SLCO1A2: variants seen among roughly 807,000 people sequenced by gnomAD.
SLCO1A2 encodes the protein OATP-1.
Under a neutral mutation model 69.0 loss-of-function variants are expected in SLCO1A2, and 67 were observed. The observed-to-expected ratio is 0.97, with a 90% CI of 0.80 to 1.19. The LOEUF is 1.19. Ranked by LOEUF, SLCO1A2 falls within the 50% of genes most tolerant of loss-of-function variation. The pLI, the probability that SLCO1A2 is intolerant of heterozygous loss-of-function variation, is 0.00. For synonymous variants in SLCO1A2, 260 were observed against 265.9 expected, an observed-to-expected ratio of 0.98 and a Z score of 0.22; for missense variants, 787 against 793.7, an observed-to-expected ratio of 0.99 and a Z score of 0.10.
At chr12:21,411,470 A>G (rs140454934) in intron 1 of SLCO1A2, among the ~76,000 whole-genome samples, 76 of 152,236 alleles carry the variant, frequency 5.0e-4, no homozygotes, top group African/African-American at 1.6e-3. Context: ...GTGTCAATTT[A>G]TCTATCCTCA....
chr12:21,300,153 A>C (rs369867241), intron 8 of SLCO1A2, among the ~76,000 whole-genome samples, 195 bp downstream of exon 8: 23 of 151,770 alleles, frequency 1.5e-4, no homozygotes, highest in East Asian at 1.2e-3. Flanking sequence ...GAAATATTTC[A>C]GCTTCCAAAT....
chr12:21,322,672 T>TA (rs139621920), intron 2 of SLCO1A2, among the ~76,000 whole-genome samples: 16,304 of 152,190 alleles, frequency 0.11, 1,018 homozygotes, highest in Non-Finnish European at 0.15. Flanking sequence ...TTGTCAGACT[T>TA]AAAGTCTGTG....
rs547878550 is a variant in SLCO1A2, at chr12:21,342,296, G to GA, written c.-62-7588dup. 2.5e-3 allele frequency among the ~76,000 whole-genome samples: 383 copies of GA among 151,440 alleles called. 1 individual carries two copies. Among genetic ancestry groups the GA allele is most frequent in the African/African-American group, 8.5e-3 (350 of 41,368 alleles). On this transcript the variant is annotated intron_variant, in intron 2 of 15. Transcript: ENST00000307378. ...TTCCACTGCTTCAAGACCTATTTTT[G>GA]AAAAAAGAGTAATAGGATGGAGAAT...
chr12:21,363,976 G>A (rs1029977068), intron 2 of SLCO1A2, among the ~76,000 whole-genome samples: 2 of 152,148 alleles, frequency 1.3e-5, no homozygotes, highest in African/African-American at 4.8e-5. Context: ...GTAAAAAGAG[G>A]AGCTGGTACC....
intron 2 of SLCO1A2, among the ~76,000 whole-genome samples, chr12:21,365,442 C>A (rs192273827): frequency 7.3e-4 from 111 of 152,268 alleles, no homozygotes; most frequent in Non-Finnish European, 1.2e-3. Context: ...ACCATAAAAA[C>A]CCTAGAAGAA....
intron 1 of SLCO1A2, chr12:21,379,213 T>A (rs1000122890): frequency 3.9e-5 from 6 of 152,242 alleles, no homozygotes; most frequent in African/African-American, 1.4e-4. Context: ...AGAAATAAAA[T>A]CCTGCTCCTG....
At chr12:21,287,305 T>A (rs1432323263) in intron 12 of SLCO1A2, among the ~76,000 whole-genome samples, 1 of 148,214 alleles carries the variant, frequency 6.7e-6, no homozygotes, top group African/African-American at 2.5e-5. Flanking sequence ...TCAAAACCAC[T>A]ATGAGATATC....
At chr12:21,324,633 T>C (rs1441084112) in intron 2 of SLCO1A2, 2 of 152,122 alleles carry the variant, frequency 1.3e-5, no homozygotes, top group South Asian at 2.1e-4. Context: ...AAAGGTAAAT[T>C]TGCTCATAAA....
chr12:21,321,864 T>C (rs534855412), intron 2 of SLCO1A2, among the ~76,000 whole-genome samples: 1 of 152,316 alleles, frequency 6.6e-6, no homozygotes, highest in South Asian at 2.1e-4. Context: ...CTAACTTGAT[T>C]ACAACCTCTA....
At chr12:21,357,028 A>C (rs1196142173) in intron 2 of SLCO1A2, among the ~76,000 whole-genome samples, 1 of 152,214 alleles carries the variant, frequency 6.6e-6, no homozygotes, top group Non-Finnish European at 1.5e-5. Flanking sequence ...AATTTCACTG[A>C]GAAAGATTTA....
intron 1 of SLCO1A2, among the ~76,000 whole-genome samples, chr12:21,412,772 C>A (rs548945651): frequency 6.6e-6 from 1 of 152,268 alleles, no homozygotes; most frequent in South Asian, 2.1e-4. Context: ...CTCACCATGA[C>A]AAAGGAAGTA....
chr12:21,355,552 A>C (rs2137026932), intron 2 of SLCO1A2, among the ~76,000 whole-genome samples: 1 of 152,264 alleles, frequency 6.6e-6, no homozygotes, highest in Middle Eastern at 3.4e-3. Context: ...TAGGGAGCTG[A>C]TGTGAGTTTC....
chr12:21,328,386 A>G (rs966617085), intron 2 of SLCO1A2, among the ~76,000 whole-genome samples: 1 of 152,174 alleles, frequency 6.6e-6, no homozygotes, highest in Non-Finnish European at 1.5e-5. Flanking sequence ...AACTTAAATT[A>G]TCTGATAATT....
chr12:21,403,169 T>G (rs1404870381), intron 1 of SLCO1A2, among the ~76,000 whole-genome samples: 1 of 152,118 alleles, frequency 6.6e-6, no homozygotes, highest in Non-Finnish European at 1.5e-5. Flanking sequence ...CACTTGTAAC[T>G]ACATATTTGA....
At chr12:21,418,748 GC>G (rs1942029766), upstream of SLCO1A2, among the ~76,000 whole-genome samples, 1 of 152,090 alleles carries the variant, frequency 6.6e-6, no homozygotes, top group Non-Finnish European at 1.5e-5. Flanking sequence ...TGCAGACACA[GC>G]CAAACCATAT....
intron 14 of SLCO1A2, among the ~76,000 whole-genome samples, chr12:21,271,201 C>T (rs965798031): frequency 1.3e-5 from 2 of 151,598 alleles, no homozygotes; most frequent in African/African-American, 4.8e-5. Flanking sequence ...GGTGTTTTAC[C>T]TCATTAATTG....
intron 4 of SLCO1A2, among the ~76,000 whole-genome samples, 196 bp from the exon 5 acceptor site, chr12:21,307,184 C>CT (rs1949522726): frequency 6.6e-6 from 1 of 152,118 alleles, no homozygotes; most frequent in Admixed American, 6.6e-5. Flanking sequence ...AATGAACAAT[C>CT]TTTTTATACT....
intron 2 of SLCO1A2, chr12:21,373,499 T>C (rs1474125476): frequency 3.9e-6 from 4 of 1,034,810 alleles, no homozygotes; most frequent in Non-Finnish European, 6.1e-6. Context: ...AATTAAATAC[T>C]GTCAAATAAC....
chr12:21,346,950 T>C (rs1322248898), intron 2 of SLCO1A2, among the ~76,000 whole-genome samples: 1 of 152,020 alleles, frequency 6.6e-6, no homozygotes, highest in Non-Finnish European at 1.5e-5. Context: ...ACTGAGTCTA[T>C]GTTCGGATTT....
Sources: allele counts gnomAD v4.1 joint callset (sites outside exome capture counted in the v4.1 genomes callset), GRCh38; gene constraint gnomAD v4.1.1; transcripts MANE v1.5; gene names NCBI Gene and HGNC (gene_info 2026-07-23, HGNC 2026-07-21).